ZNF804B: variants seen among roughly 807,000 people sequenced by gnomAD.
ZNF804B encodes the protein zinc finger protein 804B.
ZNF804B carries 80 observed loss-of-function variants against 101.4 expected under a neutral mutation model. The observed-to-expected ratio is 0.79, with a 90% CI of 0.66 to 0.95. ZNF804B has a LOEUF of 0.95. ZNF804B is among the 40% of genes least tolerant of loss of function. ZNF804B has a pLI of 0.00. For synonymous variants in ZNF804B, 622 were observed against 558.8 expected (o/e 1.11, Z -1.59); for missense variants, 1,673 against 1,561.9 (o/e 1.07, Z -1.20).
chr7:88,806,616 G>GGT (rs145554500), intron 1 of ZNF804B, among the ~76,000 whole-genome samples: 1,943 of 149,088 alleles, frequency 0.013, 18 homozygotes, highest in African/African-American at 0.034. Flanking sequence ...TCATTTGAGG[G>GGT]GTGTGTGTGT....
At chr7:89,229,292 A>G (rs568607054) in intron 2 of ZNF804B, among the ~76,000 whole-genome samples, 4 of 152,326 alleles carry the variant, frequency 2.6e-5, no homozygotes, top group East Asian at 1.9e-4. Flanking sequence ...TCACCTCTCA[A>G]TAGTTCACAA....
intron 2 of ZNF804B, among the ~76,000 whole-genome samples, chr7:89,306,628 C>T (rs574241683): frequency 3.3e-5 from 5 of 151,838 alleles, no homozygotes; most frequent in Non-Finnish European, 7.4e-5. Flanking sequence ...CAAATATTTC[C>T]GAAGGCAACA....
intron 1 of ZNF804B, among the ~76,000 whole-genome samples, chr7:89,018,579 C>T (rs892547532): frequency 6.6e-6 from 1 of 151,892 alleles, no homozygotes; most frequent in African/African-American, 2.4e-5. Context: ...TTTTTGGAAT[C>T]GTTTGAGAAG....
At chr7:89,046,081 A>G (rs1427863676) in intron 1 of ZNF804B, among the ~76,000 whole-genome samples, 1 of 151,984 alleles carries the variant, frequency 6.6e-6, no homozygotes, top group South Asian at 2.1e-4. Context: ...GTGATAAGTG[A>G]GTGAGTTCTC....
At chr7:89,179,204 T>C (rs1461391234) in intron 1 of ZNF804B, among the ~76,000 whole-genome samples, 1 of 152,200 alleles carries the variant, frequency 6.6e-6, no homozygotes, top group South Asian at 2.1e-4. Flanking sequence ...GATATCTTTC[T>C]CTAGGTTTGA....
chr7:89,112,105 C>CAA (rs3060290), intron 1 of ZNF804B, among the ~76,000 whole-genome samples: 65,314 of 118,158 alleles, frequency 0.55, 17,334 homozygotes, highest in East Asian at 0.69. Flanking sequence ...GACTCTATCT[C>CAA]AAAAAAAAAA....
chr7:88,910,124 A>G (rs535440344), intron 1 of ZNF804B, among the ~76,000 whole-genome samples: 1 of 152,078 alleles, frequency 6.6e-6, no homozygotes, highest in African/African-American at 2.4e-5. Context: ...AGGTACATAC[A>G]GGTAAACTGT....
At chr7:89,065,366 G>A (rs897037450) in intron 1 of ZNF804B, among the ~76,000 whole-genome samples, 2 of 152,132 alleles carry the variant, frequency 1.3e-5, no homozygotes, top group Non-Finnish European at 2.9e-5. Context: ...TACCAGCTGG[G>A]CCAAAGTAAT....
intron 1 of ZNF804B, among the ~76,000 whole-genome samples, chr7:89,205,008 A>G (rs757904069): frequency 2.0e-5 from 3 of 152,164 alleles, no homozygotes; most frequent in Admixed American, 6.5e-5. Context: ...ATGGCTGGGG[A>G]GACCTCACAA....
intron 1 of ZNF804B, among the ~76,000 whole-genome samples, chr7:89,210,608 G>A (rs1788788235): frequency 6.6e-6 from 1 of 152,106 alleles, no homozygotes; most frequent in Non-Finnish European, 1.5e-5. Flanking sequence ...TTGGTTTTCT[G>A]TTCCTGCATT....
chr7:89,280,786 C>T lies in ZNF804B; in HGVS notation c.250-46558C>T, dbSNP rs548217618. On this transcript the variant is annotated intron_variant, in intron 2 of 3. Transcript: ENST00000333190. ...CAATGGCTTACCAATCAAAAAGAGTCCAGGACCAGATGGATTCACAGCCGA... is the reference window on the plus strand; with the variant it reads ...CAATGGCTTACCAATCAAAAAGAGTTCAGGACCAGATGGATTCACAGCCGA... 1.4e-4 allele frequency among the ~76,000 whole-genome samples: 22 copies of T among 152,250 alleles called. No individual in the cohort carries two copies. The South Asian group carries it at 1.9e-3, about 13-fold the overall frequency.
chr7:88,983,931 C>A (rs1047817410), intron 1 of ZNF804B, among the ~76,000 whole-genome samples: 1 of 151,978 alleles, frequency 6.6e-6, no homozygotes. Context: ...AATCTTGGCA[C>A]CTCAGTGAAA....
At chr7:89,032,913 T>C (rs1584085633) in intron 1 of ZNF804B, among the ~76,000 whole-genome samples, 1 of 152,234 alleles carries the variant, frequency 6.6e-6, no homozygotes, top group East Asian at 1.9e-4. Flanking sequence ...CTAATTAGCA[T>C]ATTCATTACC....
At chr7:89,290,971 G>T (rs1019854497) in intron 2 of ZNF804B, among the ~76,000 whole-genome samples, 18 of 152,062 alleles carry the variant, frequency 1.2e-4, no homozygotes, top group African/African-American at 4.3e-4. Context: ...CATAATGGAA[G>T]AAATCAAGAG....
chr7:89,094,612 G>T (rs1444374179), intron 1 of ZNF804B, among the ~76,000 whole-genome samples: 1 of 152,056 alleles, frequency 6.6e-6, no homozygotes, highest in Non-Finnish European at 1.5e-5. Context: ...TACCCTGATT[G>T]ATGGAAACTC....
intron 2 of ZNF804B, among the ~76,000 whole-genome samples, chr7:89,271,775 A>C (rs560541504): frequency 6.6e-6 from 1 of 152,056 alleles, no homozygotes; most frequent in East Asian, 1.9e-4. Context: ...CAGGGATTCA[A>C]CTTCTTCCTG....
At chr7:88,884,200 AT>A (rs1792085297) in intron 1 of ZNF804B, among the ~76,000 whole-genome samples, 1 of 151,746 alleles carries the variant, frequency 6.6e-6, no homozygotes, top group Non-Finnish European at 1.5e-5. Context: ...AAGTAAATAT[AT>A]TGATAAATGT....
intron 2 of ZNF804B, among the ~76,000 whole-genome samples, chr7:89,268,526 T>A (rs1326594086): frequency 6.6e-6 from 1 of 152,112 alleles, no homozygotes; most frequent in Non-Finnish European, 1.5e-5. Context: ...GTCTTCATTC[T>A]TTTCTATTCC....
chr7:88,942,275 C>T (rs553518473), intron 1 of ZNF804B, among the ~76,000 whole-genome samples: 5 of 151,980 alleles, frequency 3.3e-5, no homozygotes, highest in East Asian at 1.9e-4. Context: ...ATTGTGCCAT[C>T]GCAGGCAACA....
Sources: allele counts gnomAD v4.1 joint callset (sites outside exome capture counted in the v4.1 genomes callset), GRCh38; gene constraint gnomAD v4.1.1; transcripts MANE v1.5; gene names NCBI Gene and HGNC (gene_info 2026-07-23, HGNC 2026-07-21).